The following SLC24A4 variants were observed in gnomAD, a reference collection of about 807,000 sequenced individuals.
The protein encoded by SLC24A4 is sodium/potassium/calcium exchanger 4.
Under a neutral mutation model 79.0 loss-of-function variants are expected in SLC24A4, and 53 were observed. The ratio of observed to expected loss-of-function variants is 0.67; its 90% CI spans 0.54 to 0.84. SLC24A4 has a LOEUF of 0.84. Ranked by LOEUF, SLC24A4 falls within the 40% of genes least tolerant of loss-of-function variation. SLC24A4 has a pLI of 0.00. For synonymous variants in SLC24A4, 323 were observed against 323.8 expected (o/e 1.00, Z 0.03); for missense variants, 731 against 822.0 (o/e 0.89, Z 1.35).
chr14:92,456,825 A>G (rs1466067923), intron 12 of SLC24A4, among the ~76,000 whole-genome samples: 1 of 152,250 alleles, frequency 6.6e-6, no homozygotes, highest in African/African-American at 2.4e-5. Flanking sequence ...CACCAAGTGC[A>G]GCAAGAGCCT....
chr14:92,404,462 C>T (rs1017009765), intron 2 of SLC24A4, among the ~76,000 whole-genome samples: 3 of 152,218 alleles, frequency 2.0e-5, no homozygotes, highest in Middle Eastern at 3.2e-3. Flanking sequence ...AGCCCCCAGT[C>T]CCCATCCATC....
intron 2 of SLC24A4, among the ~76,000 whole-genome samples, chr14:92,426,809 G>A (rs1352146656): frequency 3.9e-5 from 6 of 152,240 alleles, no homozygotes; most frequent in Non-Finnish European, 7.4e-5. Flanking sequence ...CACTGGGATG[G>A]TTTCTAAAAC....
intron 2 of SLC24A4, among the ~76,000 whole-genome samples, chr14:92,374,217 G>A (rs138743634): frequency 1.6e-3 from 251 of 152,290 alleles, no homozygotes; most frequent in African/African-American, 5.8e-3. Flanking sequence ...TTTTGTGACT[G>A]TTACCTCACC....
rs182433439 is a variant in SLC24A4 at position 92,418,638 on chromosome 14, T to C, written c.242-15274T>C. On this transcript the variant is annotated intron_variant, in intron 2 of 16. Transcript: ENST00000532405. ...GAGCTAATGCTCTTGAGGACAAATT[T>C]CTTCTTCCCCAAGAAACCTCAGTTG... 9.2e-5 allele frequency among the ~76,000 whole-genome samples: 14 copies of C among 152,324 alleles called. No homozygotes were observed. The East Asian group carries it at 1.7e-3, about 19-fold the overall frequency.
chr14:92,361,551 G>A (rs1887524560), intron 2 of SLC24A4, among the ~76,000 whole-genome samples: 2 of 152,126 alleles, frequency 1.3e-5, no homozygotes, highest in Non-Finnish European at 2.9e-5. Context: ...GACTAGATTT[G>A]TTCCACCAAC....
Position 92,435,646 on chromosome 14 carries a change from A to C in SLC24A4, c.318+1658A>C, listed in dbSNP as rs145246781. Among the ~76,000 whole-genome samples the C allele has an allele frequency of 6.7e-3, 1,013 of 152,328 alleles. 5 individuals are homozygous for C. The highest frequency in any genetic ancestry group is 0.031 in the Middle Eastern group (9 of 294). ...CAACCCAGTATTAACTCTTTGCAAG[A>C]GATCATTAAGAAAGTGAAATCTGGT... On this transcript the variant is annotated intron_variant, in intron 3 of 16. Coordinates refer to ENST00000532405, the MANE Select transcript of SLC24A4 (RefSeq NM_153646.4).
In SLC24A4 at chr14:92,456,411, G is replaced by T. The variant is rs1893465033; in HGVS notation, c.1058G>T (p.Arg353Ile). 6.2e-7 allele frequency: 1 copy of T among 1,614,238 alleles called. No individual in the cohort carries two copies. The highest frequency in any genetic ancestry group is 1.1e-5 in the South Asian group (1 of 91,080). Reference sequence around the variant, plus strand: ...TGCCTCCTGTCCACACAGCGGCAGAGACTGATCAACTCGGCCAATGGTGTG... The same window carrying T: ...TGCCTCCTGTCCACACAGCGGCAGATACTGATCAACTCGGCCAATGGTGTG... The part of the protein sequence containing the change: ...ASRIIINERQ[R>I]LINSANGVSS... The change falls in exon 12 of 17, where the codon AGA becomes ATA. Residue 353 changes from arginine (R) to isoleucine (I), a missense_variant. Coordinates refer to ENST00000532405, the MANE Select transcript of SLC24A4 (RefSeq NM_153646.4).
upstream of SLC24A4, chr14:92,323,055 T>G (rs1595112761): frequency 1.4e-5 from 2 of 144,358 alleles, no homozygotes; most frequent in Non-Finnish European, 1.5e-5. The surrounding 1 kb of genome is among the most constrained non-coding windows in gnomAD (Gnocchi z 4.9). Context: ...CACGGGGGAG[T>G]GCGCCCTACG....
chr14:92,487,174 T>A (rs1378184755), intron 14 of SLC24A4, among the ~76,000 whole-genome samples: 2 of 152,230 alleles, frequency 1.3e-5, no homozygotes, highest in African/African-American at 2.4e-5. Context: ...CCATTCTTCT[T>A]CTGACCTCTA....
Position 92,343,203 on chromosome 14 carries a change from C to A in SLC24A4, c.241+17225C>A, listed in dbSNP as rs193156596. Among the ~76,000 whole-genome samples, 12 of 152,350 alleles carry A rather than the reference C, an allele frequency of 7.9e-5. No individual in the cohort carries two copies. The East Asian group carries it at 2.1e-3, about 27-fold the overall frequency. ...CAACCCTGAAATGACATAGCAGACC[C>A]AATTCCCCATTGTTTGCTTGATAGG... On this transcript the variant is annotated intron_variant, in intron 2 of 16. Transcript: ENST00000532405.
At position 92,338,328 on chromosome 14, in the gene SLC24A4, C is replaced by T. The variant is rs2141610802; in HGVS notation, c.241+12350C>T. ...GCTTTTAAGGATTAAGTGCAAAGTG[C>T]TGTGCAAATATGATTACTACTGTTT... On this transcript the variant is annotated intron_variant, in intron 2 of 16. Transcript: ENST00000532405. Among the ~76,000 whole-genome samples the T allele has an allele frequency of 2.0e-5, 3 of 152,332 alleles. No individual in the cohort carries two copies. The East Asian group carries it at 5.8e-4, about 29-fold the overall frequency.
chr14:92,399,250 G>T (rs183919649), intron 2 of SLC24A4, among the ~76,000 whole-genome samples: 10 of 152,286 alleles, frequency 6.6e-5, no homozygotes, highest in Admixed American at 5.9e-4. Flanking sequence ...GGTCTGAATT[G>T]CTATAAACTT....
At position 92,374,671 on chromosome 14, in the gene SLC24A4, C is replaced by T. The variant is rs185427911; in HGVS notation, c.241+48693C>T. Among the ~76,000 whole-genome samples, 12 of 152,214 alleles carry T rather than the reference C, an allele frequency of 7.9e-5. No individual in the cohort carries two copies. The East Asian group carries it at 1.2e-3, about 15-fold the overall frequency. ...CTTGCTGCATTTTCTCATGATGCTC[C>T]GCATTGGAGATCGGAGTCTGAATTT... On this transcript the variant is annotated intron_variant, in intron 2 of 16. Coordinates refer to ENST00000532405, the MANE Select transcript of SLC24A4 (RefSeq NM_153646.4).
At chr14:92,331,106 T>G (rs1365607385) in intron 2 of SLC24A4, among the ~76,000 whole-genome samples, 1 of 152,126 alleles carries the variant, frequency 6.6e-6, no homozygotes, top group Non-Finnish European at 1.5e-5. Context: ...GTGACTGACT[T>G]TTGGAGTATC....
At chr14:92,482,101 C>T (rs1264389040) in intron 12 of SLC24A4, among the ~76,000 whole-genome samples, 2 of 152,194 alleles carry the variant, frequency 1.3e-5, no homozygotes, top group Non-Finnish European at 1.5e-5. Context: ...TGCCAGGCCC[C>T]GTGTGCTGGG....
At position 92,332,333 on chromosome 14, in the gene SLC24A4, T is replaced by C. The variant is rs563551601; in HGVS notation, c.241+6355T>C. Among the ~76,000 whole-genome samples, 5 of 152,196 alleles carry C rather than the reference T, an allele frequency of 3.3e-5. No individual in the cohort carries two copies. The South Asian group carries it at 8.3e-4, about 25-fold the overall frequency. ...ATGTGTTAATCGACAGTTTATGTAA[T>C]CAGTAAGGCTTCTGGTCAACAGTAG... On this transcript the variant is annotated intron_variant, in intron 2 of 16. Coordinates refer to ENST00000532405, the MANE Select transcript of SLC24A4 (RefSeq NM_153646.4).
At chr14:92,368,283 C>G (rs1887963691) in intron 2 of SLC24A4, among the ~76,000 whole-genome samples, 2 of 152,208 alleles carry the variant, frequency 1.3e-5, no homozygotes, top group South Asian at 4.1e-4. Flanking sequence ...ATCATCACAG[C>G]TACGTTCCCA....
At chr14:92,395,447 A>G (rs1889714287) in intron 2 of SLC24A4, among the ~76,000 whole-genome samples, 1 of 151,590 alleles carries the variant, frequency 6.6e-6, no homozygotes, top group African/African-American at 2.4e-5. Context: ...ACACACACAC[A>G]CACACACACA....
chr14:92,352,214 A>G (rs1345837247), intron 2 of SLC24A4, among the ~76,000 whole-genome samples: 3 of 152,148 alleles, frequency 2.0e-5, no homozygotes, highest in African/African-American at 7.2e-5. Flanking sequence ...GTGGGAGGCA[A>G]TCAGCATAGA....
Sources: allele counts gnomAD v4.1 joint callset (sites outside exome capture counted in the v4.1 genomes callset), GRCh38; gene constraint gnomAD v4.1.1; non-coding constraint Gnocchi (gnomAD v3.1); transcripts MANE v1.5; gene names NCBI Gene and HGNC (gene_info 2026-07-23, HGNC 2026-07-21).